IQSEC1: variants seen among roughly 807,000 people sequenced by gnomAD.
IQSEC1 encodes the protein IQ motif and SEC7 domain-containing protein 1.
Under a neutral mutation model 91.0 loss-of-function variants are expected in IQSEC1, and 31 were observed. The observed-to-expected ratio is 0.34, with a 90% CI of 0.26 to 0.46. IQSEC1 has a LOEUF of 0.46. IQSEC1 is among the 20% of genes least tolerant of loss of function. IQSEC1 has a pLI of 1.00. For missense variants in IQSEC1, 1,388 were observed against 1,575.6 expected, an observed-to-expected ratio of 0.88 and a Z score of 2.02; for synonymous variants, 699 against 662.6, an observed-to-expected ratio of 1.05 and a Z score of -0.84.
intron 1 of IQSEC1, among the ~76,000 whole-genome samples, chr3:13,012,014 G>A (rs571551950): frequency 3.3e-5 from 5 of 152,320 alleles, no homozygotes; most frequent in African/African-American, 9.6e-5. Context: ...TGCAAAGTGG[G>A]CATGAGGCAC....
intron 2 of IQSEC1, among the ~76,000 whole-genome samples, chr3:13,101,419 C>CAAAAAAAAAAA (rs5846799): frequency 8.4e-5 from 10 of 119,472 alleles, no homozygotes; most frequent in African/African-American, 2.6e-4. Flanking sequence ...ATTCCATCTC[C>CAAAAAAAAAAA]AAAAAAAAAA....
rs78963849 is a variant in IQSEC1, at chr3:13,239,480, C to T, written c.272+43231G>A. Among the ~76,000 whole-genome samples, 373 of 152,374 alleles carry T rather than the reference C, an allele frequency of 2.4e-3. 3 individuals are homozygous for T. Among genetic ancestry groups the T allele is most frequent in the African/African-American group, 8.4e-3 (350 of 41,600 alleles). On this transcript the variant is annotated intron_variant, in intron 1 of 15. Transcript: ENST00000648114. Reference sequence around the variant, plus strand: ...CCGCGGACACAGGAGACAGAAAGACCCTCGTGTTCTGGGTCCTCCTGGCCG... The same window carrying T: ...CCGCGGACACAGGAGACAGAAAGACTCTCGTGTTCTGGGTCCTCCTGGCCG...
intron 1 of IQSEC1, among the ~76,000 whole-genome samples, chr3:13,177,355 A>G (rs1576283724): frequency 6.6e-6 from 1 of 152,260 alleles, no homozygotes; most frequent in Non-Finnish European, 1.5e-5. Flanking sequence ...CCCCATCCCC[A>G]TGCTGGGTAG....
chr3:13,111,890 C>T (rs1301945488), intron 2 of IQSEC1, among the ~76,000 whole-genome samples: 1 of 152,188 alleles, frequency 6.6e-6, no homozygotes, highest in African/African-American at 2.4e-5. Flanking sequence ...TAAGCCCCCA[C>T]AAGTCTCCAG....
At position 13,041,427 on chromosome 3, in the gene IQSEC1, G is replaced by A. The variant is rs147165546; in HGVS notation, c.23+31565C>T. Among the ~76,000 whole-genome samples, 18 of 152,286 alleles carry A rather than the reference G, an allele frequency of 1.2e-4. 1 individual carries two copies. The East Asian group carries it at 3.1e-3, about 26-fold the overall frequency. On this transcript the variant is annotated intron_variant, in intron 1 of 13. Transcript: ENST00000613206. Reference sequence around the variant, plus strand: ...AAGCCCACTGGAAGGAAGAAGAAAAGCTCCCACACTTTCCCAGAATTGCTC... The same window carrying A: ...AAGCCCACTGGAAGGAAGAAGAAAAACTCCCACACTTTCCCAGAATTGCTC...
At chr3:12,962,521 C>T (rs1700305899) in intron 1 of IQSEC1, among the ~76,000 whole-genome samples, 1 of 152,194 alleles carries the variant, frequency 6.6e-6, no homozygotes, top group Admixed American at 6.5e-5. Flanking sequence ...ATTAATGATC[C>T]CTCTCCCCTC....
rs1576100957 is a variant in IQSEC1, at chr3:12,979,537, G to A, written c.24-37672C>T. On this transcript the variant is annotated intron_variant, in intron 1 of 13. Coordinates refer to ENST00000613206, the MANE Select transcript of IQSEC1 (RefSeq NM_001134382.3). This position sits in a 1 kb window ranked among gnomAD's most constrained non-coding sequence, Gnocchi z 4.3. ...ACACTCTAAGATGTCCCTGGACAGC[G>A]GTTGTCTCTGGGGAGGGGAATGGGA... 1.3e-5 allele frequency among the ~76,000 whole-genome samples: 2 copies of A among 152,212 alleles called. No homozygotes were observed. The highest frequency in any genetic ancestry group is 2.9e-5 in the Non-Finnish European group (2 of 68,044).
chr3:13,165,005 C>A lies in IQSEC1; in HGVS notation c.273-872G>T, dbSNP rs569515237. 8.5e-5 allele frequency among the ~76,000 whole-genome samples: 13 copies of A among 152,338 alleles called. No individual in the cohort carries two copies. The South Asian group carries it at 2.5e-3, about 29-fold the overall frequency. The stretch of plus-strand genomic sequence containing the variant: ...TCCAGAACGGAAGTCAGAGCACATG[C>A]TGCACGACCCTTCAGCATAGAAAGC... On this transcript the variant is annotated intron_variant, in intron 1 of 15. Coordinates refer to the IQSEC1 transcript ENST00000648114.
intron 1 of IQSEC1, among the ~76,000 whole-genome samples, chr3:13,232,942 A>G (rs1266949344): frequency 6.6e-6 from 1 of 152,174 alleles, no homozygotes; most frequent in Non-Finnish European, 1.5e-5. Context: ...CTAGCAGGAC[A>G]TAAAGTAGAA....
intron 1 of IQSEC1, among the ~76,000 whole-genome samples, chr3:13,241,136 G>A (rs1248656109): frequency 2.0e-5 from 3 of 152,160 alleles, no homozygotes; most frequent in African/African-American, 7.2e-5. Flanking sequence ...TGCAGGCTCT[G>A]AGAAGTCCCG....
chr3:13,253,066 G>A (rs563596461), intron 1 of IQSEC1, among the ~76,000 whole-genome samples: 2 of 152,302 alleles, frequency 1.3e-5, no homozygotes, highest in South Asian at 4.1e-4. Context: ...TAGCCACCCT[G>A]GTGGGTGTGA....
chr3:12,963,757 C>G (rs898471814), intron 1 of IQSEC1, among the ~76,000 whole-genome samples: 1 of 152,218 alleles, frequency 6.6e-6, no homozygotes, highest in East Asian at 1.9e-4. Flanking sequence ...ACACTACTAA[C>G]CTCAGTGCTT....
intron 2 of IQSEC1, among the ~76,000 whole-genome samples, chr3:13,108,304 C>T (rs766849459): frequency 1.3e-5 from 2 of 152,246 alleles, no homozygotes; most frequent in Admixed American, 6.5e-5. Context: ...TTTGTTATTG[C>T]TAACATTTTG....
chr3:12,916,975 A>G (rs977910327), intron 6 of IQSEC1, among the ~76,000 whole-genome samples: 1 of 152,216 alleles, frequency 6.6e-6, no homozygotes, highest in African/African-American at 2.4e-5. Flanking sequence ...CAGCCAGGAG[A>G]AGCCAAAATC....
At position 12,908,034 on chromosome 3, in the gene IQSEC1, G is replaced by A. The variant is rs370387611; in HGVS notation, c.2755+315C>T. On this transcript the variant is annotated intron_variant, in intron 12 of 13. Transcript: ENST00000613206. This position sits in a 1 kb window ranked among gnomAD's most constrained non-coding sequence, Gnocchi z 4.9. ...CGGGACACAGCCGCCGGCTCACTCG[G>A]GCTAGAGCGACTTCCCAGATCAATA... is the stretch of plus-strand genomic sequence containing the variant. Among the ~76,000 whole-genome samples the A allele has an allele frequency of 4.7e-3, 716 of 152,322 alleles. 3 individuals carry two copies. The highest frequency in any genetic ancestry group is 8.1e-3 in the Non-Finnish European group (548 of 68,018).
intron 3 of IQSEC1, among the ~76,000 whole-genome samples, chr3:12,928,047 G>A (rs1402770056): frequency 1.3e-5 from 2 of 152,208 alleles, no homozygotes; most frequent in African/African-American, 2.4e-5. Flanking sequence ...GGGTGGTGAT[G>A]GGGTCCTAAG....
chr3:13,153,456 A>T (rs1486517711), intron 2 of IQSEC1, among the ~76,000 whole-genome samples: 1 of 151,924 alleles, frequency 6.6e-6, no homozygotes, highest in Admixed American at 6.5e-5. Flanking sequence ...TGAACTAGGG[A>T]TAGTTCAGTT....
chr3:13,249,053 G>A (rs1013338761), intron 1 of IQSEC1, among the ~76,000 whole-genome samples: 3 of 151,986 alleles, frequency 2.0e-5, no homozygotes, highest in Admixed American at 1.3e-4. Context: ...TGTGGGCAGA[G>A]TCTGTCTCTC....
chr3:13,016,891 C>G (rs190941977), intron 1 of IQSEC1, among the ~76,000 whole-genome samples: 3 of 152,172 alleles, frequency 2.0e-5, no homozygotes, highest in Non-Finnish European at 4.4e-5. Flanking sequence ...AAAAGAACCC[C>G]TCCCCAGCCC....
Sources: gnomAD v4.1 joint callset for allele counts (sites outside exome capture counted in the v4.1 genomes callset) on GRCh38, gnomAD v4.1.1 for gene constraint, Gnocchi (gnomAD v3.1) non-coding constraint, MANE v1.5 for transcripts, NCBI Gene and HGNC (gene_info 2026-07-23, HGNC 2026-07-21) for gene names.